The following TCF12 variants were observed in gnomAD, a reference collection of about 807,000 sequenced individuals.
TCF12 encodes transcription factor 12.
TCF12 carries 45 observed loss-of-function variants against 86.0 expected under a neutral mutation model. The observed-to-expected ratio is 0.52, with a 90% CI of 0.41 to 0.67. TCF12 has a LOEUF of 0.67. Ranked by LOEUF, TCF12 falls within the 30% of genes least tolerant of loss-of-function variation. The pLI, the probability that TCF12 is intolerant of heterozygous loss-of-function variation, is 0.00. For synonymous variants in TCF12, 330 were observed against 299.6 expected, an observed-to-expected ratio of 1.10 and a Z score of -1.05; for missense variants, 881 against 859.9, an observed-to-expected ratio of 1.02 and a Z score of -0.31.
chr15:57,077,053 C>T (rs2070131163), intron 4 of TCF12, among the ~76,000 whole-genome samples: 1 of 152,054 alleles, frequency 6.6e-6, no homozygotes, highest in African/African-American at 2.4e-5. Context: ...ATTTCTATAC[C>T]TTTAAAGTAA....
At chr15:57,219,396 T>G in intron 8 of TCF12, 1 of 1,335,866 alleles carries the variant, frequency 7.5e-7, no homozygotes, top group East Asian at 2.7e-5. Context: ...TTGCATAAGT[T>G]CCTTTTGAGT....
chr15:57,042,485 C>T (rs960797985), intron 3 of TCF12, among the ~76,000 whole-genome samples: 2 of 152,160 alleles, frequency 1.3e-5, no homozygotes, highest in African/African-American at 2.4e-5. Context: ...ACAGTCATTG[C>T]TCACTGTGAC....
intron 3 of TCF12, among the ~76,000 whole-genome samples, chr15:56,937,408 G>A (rs528273091): frequency 3.3e-5 from 5 of 151,952 alleles, no homozygotes; most frequent in African/African-American, 1.2e-4. Flanking sequence ...CTCGGTTGGA[G>A]TGTAGTGGCG....
chr15:56,918,096 G>C (rs1404724608), upstream of TCF12: 4 of 415,960 alleles, frequency 9.6e-6, no homozygotes, highest in Non-Finnish European at 1.9e-5. Context: ...TCTCGGAACG[G>C]CCGAGGAGGA....
At chr15:57,226,828 C>T (rs138984688) in intron 8 of TCF12, among the ~76,000 whole-genome samples, 81 of 152,184 alleles carry the variant, frequency 5.3e-4, no homozygotes, top group Non-Finnish European at 9.3e-4. Flanking sequence ...TAGCCACAAG[C>T]AGTATTTAAA....
chr15:57,193,311 A>G (rs1272115491), intron 7 of TCF12, among the ~76,000 whole-genome samples: 2 of 152,242 alleles, frequency 1.3e-5, no homozygotes, highest in African/African-American at 2.4e-5. Flanking sequence ...TGAGTAGCAT[A>G]TACTACATTC....
intron 16 of TCF12, among the ~76,000 whole-genome samples, chr15:57,254,031 G>A (rs868059216): frequency 2.0e-5 from 3 of 152,188 alleles, no homozygotes; most frequent in East Asian, 3.9e-4. Context: ...GGGGGTGTTC[G>A]TTCTACAGCC....
At chr15:57,029,424 C>T (rs1193030760) in intron 3 of TCF12, among the ~76,000 whole-genome samples, 1 of 152,142 alleles carries the variant, frequency 6.6e-6, no homozygotes, top group Non-Finnish European at 1.5e-5. Context: ...ACTTTAGAAT[C>T]AGCTTGCAGT....
intron 4 of TCF12, among the ~76,000 whole-genome samples, chr15:57,074,042 G>A (rs980577721): frequency 1.8e-4 from 27 of 152,016 alleles, no homozygotes; most frequent in African/African-American, 6.0e-4. Context: ...GAGCCACCAC[G>A]CCCGGCCTTA....
chr15:56,954,029 T>C (rs1358059330), intron 3 of TCF12, among the ~76,000 whole-genome samples: 1 of 152,156 alleles, frequency 6.6e-6, no homozygotes, highest in East Asian at 1.9e-4. Flanking sequence ...CCTTTCTTTT[T>C]TTCTAATATA....
intron 3 of TCF12, among the ~76,000 whole-genome samples, chr15:56,971,411 C>T (rs1408638360): frequency 6.6e-6 from 1 of 151,414 alleles, no homozygotes; most frequent in Non-Finnish European, 1.5e-5. Flanking sequence ...TGGGTGACAG[C>T]GAGACTTTAT....
intron 5 of TCF12, among the ~76,000 whole-genome samples, chr15:57,122,775 TG>T (rs2051330687): frequency 6.6e-6 from 1 of 152,226 alleles, no homozygotes. Flanking sequence ...TAGAAAAATG[TG>T]TATTCACTAG....
intron 18 of TCF12, among the ~76,000 whole-genome samples, chr15:57,272,475 T>C (rs1259178822): frequency 1.3e-5 from 2 of 152,254 alleles, no homozygotes; most frequent in African/African-American, 4.8e-5. Context: ...TAAGCTTTCC[T>C]TCTTTCTTTT....
intron 3 of TCF12, among the ~76,000 whole-genome samples, chr15:56,957,095 A>G (rs545472839): frequency 2.2e-4 from 33 of 152,238 alleles, no homozygotes; most frequent in African/African-American, 6.5e-4. Context: ...TTTCTGTGTT[A>G]TGATGCTTCC....
intron 8 of TCF12, among the ~76,000 whole-genome samples, chr15:57,212,129 T>C (rs1333563612): frequency 6.6e-6 from 1 of 152,186 alleles, no homozygotes; most frequent in Non-Finnish European, 1.5e-5. Flanking sequence ...CTGTGGATTC[T>C]ATACTTTACC....
rs569175097 is a variant in TCF12, at chr15:57,192,512, G to A, written c.526+219G>A. On this transcript the variant is annotated intron_variant, in intron 7 of 20. Transcript: ENST00000333725. ...CAAGCCGTCCTCCCACCTCAGCCTC[G>A]CAAGTAGCTGAGACTATAGGCATGT... Among the ~76,000 whole-genome samples, 7 of 151,866 alleles carry A rather than the reference G, an allele frequency of 4.6e-5. No homozygotes were observed. In the South Asian group the frequency reaches 1.2e-3, roughly 27 times the overall value.
chr15:57,219,152 GCCTT>G (rs2058460595), intron 8 of TCF12: 1 of 1,068,120 alleles, frequency 9.4e-7, no homozygotes. Flanking sequence ...CTGTCAGTAT[GCCTT>G]CCTTTTGTGT....
intron 4 of TCF12, among the ~76,000 whole-genome samples, chr15:57,074,552 G>T (rs1466619787): frequency 6.6e-6 from 1 of 152,100 alleles, no homozygotes; most frequent in Non-Finnish European, 1.5e-5. Flanking sequence ...TGTCGCCCAG[G>T]CTGGAAATGC....
rs1567557856 is a variant in TCF12, at chr15:57,170,674, TAA to T, written c.390+4209_390+4210del. ...ATATTATATAAAATATATATATATA[TAA>T]TATATTATATATAATATATATTATA... On this transcript the variant is annotated intron_variant, in intron 6 of 20. Transcript: ENST00000333725. Among the ~76,000 whole-genome samples, 53 of 11,350 alleles carry T rather than the reference TAA, an allele frequency of 4.7e-3. 5 individuals carry two copies. In the East Asian group the frequency reaches 0.1, roughly 22 times the overall value. 7.4% of individuals were successfully genotyped at this position (11,350 alleles called of 152,430 possible). A position where few individuals can be genotyped will look rare whatever the true frequency, so the allele number is the denominator to read the frequency against.
Sources: gnomAD v4.1 joint callset for allele counts (sites outside exome capture counted in the v4.1 genomes callset) on GRCh38, gnomAD v4.1.1 for gene constraint, MANE v1.5 for transcripts, NCBI Gene and HGNC (gene_info 2026-07-23, HGNC 2026-07-21) for gene names.